NOTCH2: variants seen among roughly 807,000 people sequenced by gnomAD.
The protein encoded by NOTCH2 is neurogenic locus notch homolog protein 2.
In NOTCH2, 29 loss-of-function variants were observed where a neutral mutation model predicts 235.8. The ratio of observed to expected loss-of-function variants is 0.12; its 90% CI spans 0.09 to 0.17. The LOEUF is 0.17. Ranked by LOEUF, NOTCH2 falls within the 10% of genes least tolerant of loss-of-function variation. The pLI is 1.00. For missense variants in NOTCH2, 2,285 were observed against 3,150.2 expected (o/e 0.73, Z 6.57); for synonymous variants, 1,086 against 1,141.5 (o/e 0.95, Z 0.98).
chr1:119,997,156 A>G lies in NOTCH2; in HGVS notation c.592T>C (p.Cys198Arg). ...IPGHCQHGGTCLNLPGSYQCQ... is the reference protein window; with the variant it reads ...IPGHCQHGGTRLNLPGSYQCQ... ...TGGTAGGAACCAGGCAGGTTGAGGC[A>G]GGTGCCACCATGCTGGCAGTGTCCT... Residue 198 changes from cysteine to arginine, a missense_variant, in exon 4 of 34, where the codon TGC becomes CGC. Transcript: ENST00000256646. 6.2e-7 allele frequency: 1 copy of G among 1,614,030 alleles called. No homozygotes were observed. The highest frequency in any genetic ancestry group is 8.5e-7 in the Non-Finnish European group (1 of 1,179,868).
chr1:119,967,648 G>C (rs782539387), intron 7 of NOTCH2, 27 bp from the exon 8 acceptor site: 1 of 1,608,008 alleles, frequency 6.2e-7, no homozygotes, highest in Non-Finnish European at 8.5e-7. Context: ...CCAATTACTG[G>C]GATCAAAGCA....
intron 26 of NOTCH2, 48 bp from the exon 27 acceptor site, chr1:119,922,826 C>T (rs369710600): frequency 2.5e-6 from 4 of 1,610,534 alleles, no homozygotes; most frequent in South Asian, 1.1e-5. Flanking sequence ...GGGGGTAAAA[C>T]AGAAGAGTGC....
At chr1:119,940,470 AG>A (rs1650024935) in intron 19 of NOTCH2, 84 bp downstream of exon 19, 3 of 1,244,634 alleles carry the variant, frequency 2.4e-6, no homozygotes, top group Non-Finnish European at 3.5e-6. Flanking sequence ...CTCTTTTAGA[AG>A]GAACTTATTC....
intron 25 of NOTCH2, 134 bp from the exon 26 acceptor site, chr1:119,924,118 C>T (rs587711447): frequency 4.1e-6 from 3 of 737,152 alleles, no homozygotes; most frequent in African/African-American, 1.7e-5. Context: ...AAATGCCCCA[C>T]AAAACCTTCT....
At chr1:120,010,797 T>C (rs1653160388) in intron 2 of NOTCH2, among the ~76,000 whole-genome samples, 1 of 152,192 alleles carries the variant, frequency 6.6e-6, no homozygotes, top group African/African-American at 2.4e-5. Flanking sequence ...CCGAGATAAC[T>C]GAAAACATAT....
chr1:119,979,485 A>AT (rs1553201383), intron 5 of NOTCH2, among the ~76,000 whole-genome samples: 2 of 152,222 alleles, frequency 1.3e-5, no homozygotes, highest in African/African-American at 4.8e-5. Flanking sequence ...TAGTCAAGAT[A>AT]CAACTTGTGT....
chr1:120,017,808 T>TAC (rs1231284059), intron 2 of NOTCH2, among the ~76,000 whole-genome samples: 8 of 149,880 alleles, frequency 5.3e-5, no homozygotes, highest in East Asian at 2.0e-4. Context: ...TGTGCAGACA[T>TAC]ACACACACAC....
intron 17 of NOTCH2, among the ~76,000 whole-genome samples, chr1:119,944,352 G>A (rs587637477): frequency 2.0e-5 from 3 of 152,054 alleles, no homozygotes; most frequent in East Asian, 1.9e-4. Context: ...TGGCTAACAC[G>A]GTGAAACCCC....
At chr1:119,936,855 AT>A (rs587719963) in intron 21 of NOTCH2, among the ~76,000 whole-genome samples, 214 of 147,268 alleles carry the variant, frequency 1.5e-3, no homozygotes, top group Non-Finnish European at 1.7e-3. Context: ...GATGAGCAAC[AT>A]TTTTTTTTTT....
chr1:119,963,660 T>G lies in NOTCH2; in HGVS notation c.1829A>C (p.Glu610Ala). The G allele has an allele frequency of 6.2e-7, 1 of 1,614,096 alleles. No homozygotes were observed. Among genetic ancestry groups the G allele is most frequent in the Non-Finnish European group, 8.5e-7 (1 of 1,179,988 alleles). ...MGAICSDQID[E>A]CYSSPCLNDG... is the part of the protein sequence containing the mutation. ...GTTCAGGCAAGGGCTGCTGTAACAT[T>G]CATCAATCTGGTCACTGCAGATGGC... The change falls in exon 11 of 34, where the codon GAA becomes GCA. Residue 610 changes from glutamate to alanine, a missense_variant. Physicochemically the swap from Glu to Ala is moderately radical, Grantham distance 107. This residue lies in a region of NOTCH2 where 431 missense variants were observed against 757.8 expected (regional missense o/e 0.57). Coordinates refer to ENST00000256646, the MANE Select transcript of NOTCH2 (RefSeq NM_024408.4).
chr1:119,949,186 T>G, intron 15 of NOTCH2, 60 bp from the exon 16 acceptor site: 1 of 1,585,952 alleles, frequency 6.3e-7, no homozygotes, highest in South Asian at 1.1e-5. Context: ...AAAATTTTCC[T>G]TATCCCAAGG....
At chr1:119,975,050 GCA>G (rs1176027004) in intron 5 of NOTCH2, among the ~76,000 whole-genome samples, 2 of 152,176 alleles carry the variant, frequency 1.3e-5, no homozygotes, top group African/African-American at 4.8e-5. Context: ...GCCCAACTTT[GCA>G]CAGTTAGTTG....
rs2101154812 is a variant in NOTCH2, at chr1:119,922,405, G to A, written c.5044C>T (p.Leu1682Phe). Residue 1682 changes from leucine to phenylalanine, a missense_variant, in exon 28 of 34, where the codon CTT (leucine) becomes TTT (phenylalanine). This residue lies in a region of NOTCH2 where 1,173 missense variants were observed against 1,515.3 expected (regional missense o/e 0.77). Transcript: ENST00000256646. Reference protein sequence around the residue: ...TPERTQLLYLLAVAVVIILFI... With the variant: ...TPERTQLLYLFAVAVVIILFI... ...AGAATGATGACAACAGCAACAGCAAGGAGATAGAGGAGCTGAGTGCGTTCT... is the reference window on the plus strand; with the variant it reads ...AGAATGATGACAACAGCAACAGCAAAGAGATAGAGGAGCTGAGTGCGTTCT... 1 of 1,613,946 alleles carries A rather than the reference G, an allele frequency of 6.2e-7. No individual in the cohort carries two copies.
chr1:119,970,315 C>A (rs1651311275), intron 5 of NOTCH2, among the ~76,000 whole-genome samples: 1 of 151,998 alleles, frequency 6.6e-6, no homozygotes. Context: ...AATAAAAAGT[C>A]TAATTTTTGA....
intron 24 of NOTCH2, 112 bp downstream of exon 24, chr1:119,926,387 T>C (rs1225101121): frequency 1.1e-6 from 1 of 871,646 alleles, no homozygotes; most frequent in Non-Finnish European, 1.9e-6. Context: ...GAGCTAAAAT[T>C]GAGAAATCTT....
Position 120,069,551 on chromosome 1 carries a change from A to G in NOTCH2, c.-145T>C. ...GCCCTGGCGCTACGCTCCGAAGCCC[A>G]GGCGCAAATGCCTCGACTCCCCGCG... On this transcript the variant is annotated 5_prime_UTR_variant, in exon 1 of 34. Coordinates refer to ENST00000256646, the MANE Select transcript of NOTCH2 (RefSeq NM_024408.4). 1.4e-6 allele frequency: 2 copies of G among 1,412,858 alleles called. No individual in the cohort carries two copies. The highest frequency in any genetic ancestry group is 1.8e-6 in the Non-Finnish European group (2 of 1,092,188). 87.5% of individuals were successfully genotyped at this position (1,412,858 alleles called of 1,614,324 possible).
intron 15 of NOTCH2, chr1:119,950,461 T>G (rs1232499247): frequency 1.7e-6 from 1 of 604,526 alleles, no homozygotes; most frequent in East Asian, 3.5e-5. Flanking sequence ...ATGTGCCTGG[T>G]TCCAGCCACA....
At chr1:119,940,923 G>C (rs1553196387) in intron 18 of NOTCH2, among the ~76,000 whole-genome samples, 167 bp from the exon 19 acceptor site, 1 of 152,166 alleles carries the variant, frequency 6.6e-6, no homozygotes, top group Non-Finnish European at 1.5e-5. Flanking sequence ...GCTCTGAGGT[G>C]CCCACTTCCT....
intron 16 of NOTCH2, 23 bp from the exon 17 acceptor site, chr1:119,948,589 T>C (rs1553197349): frequency 1.9e-6 from 3 of 1,614,036 alleles, no homozygotes; most frequent in Admixed American, 3.3e-5. Context: ...GGCCAATAAA[T>C]GACCTAGTCC....
Sources: gnomAD v4.1 joint callset for allele counts (sites outside exome capture counted in the v4.1 genomes callset) on GRCh38, gnomAD v4.1.1 for gene constraint, gnomAD v4.1.1 regional missense constraint, MANE v1.5 for transcripts, NCBI Gene and HGNC (gene_info 2026-07-23, HGNC 2026-07-21) for gene names.